L3HYPDH: variants seen among roughly 807,000 people sequenced by gnomAD.
The protein encoded by L3HYPDH is trans-L-3-hydroxyproline dehydratase.
L3HYPDH carries 32 observed loss-of-function variants against 26.5 expected under a neutral mutation model. That is an observed-to-expected ratio of 1.21 (90% CI 0.91 to 1.62). L3HYPDH has a LOEUF of 1.62. L3HYPDH is among the 40% of genes most tolerant of loss of function. The pLI, the probability that L3HYPDH is intolerant of heterozygous loss-of-function variation, is 0.00. For missense variants in L3HYPDH, 554 were observed against 476.4 expected (o/e 1.16, Z -1.52); for synonymous variants, 215 against 196.6 (o/e 1.09, Z -0.78).
At chr14:59,502,125 G>A in the L3HYPDH span, among the ~76,000 whole-genome samples, 3 of 151,982 alleles carry the variant, frequency 2.0e-5, no homozygotes, top group Admixed American at 6.6e-5. Context: ...TACATTATTT[G>A]TTCATATGCA....
intron 4 of L3HYPDH, among the ~76,000 whole-genome samples, chr14:59,473,852 C>T (rs771903092): frequency 1.8e-4 from 27 of 151,984 alleles, no homozygotes; most frequent in Middle Eastern, 3.4e-3. Flanking sequence ...AATGGAAGGA[C>T]AGGGAAAGGA....
At chr14:59,486,762 A>T, upstream of L3HYPDH, 1 of 1,595,730 alleles carries the variant, frequency 6.3e-7, no homozygotes, top group Non-Finnish European at 8.5e-7. Context: ...GGAAGACCCT[A>T]TTATTTAAAA....
At chr14:59,485,486 A>C (rs980498589), upstream of L3HYPDH, 3 of 179,886 alleles carry the variant, frequency 1.7e-5, no homozygotes, top group Non-Finnish European at 3.5e-5. Flanking sequence ...GGAAGTAAAA[A>C]GTCTGCTTGA....
At chr14:59,477,548 T>C (rs1056388577) in intron 2 of L3HYPDH, among the ~76,000 whole-genome samples, 1 of 152,230 alleles carries the variant, frequency 6.6e-6, no homozygotes, top group African/African-American at 2.4e-5. Flanking sequence ...TATTAAGATA[T>C]CCATGACTTT....
chr14:59,493,682 G>T, the L3HYPDH span, among the ~76,000 whole-genome samples: 1 of 152,112 alleles, frequency 6.6e-6, no homozygotes, highest in Admixed American at 6.5e-5. Context: ...CTGTGACATA[G>T]CTCAGACCAT....
upstream of L3HYPDH, chr14:59,486,600 C>T: frequency 1.4e-6 from 1 of 709,810 alleles, no homozygotes; most frequent in Admixed American, 2.7e-5. Context: ...TTGTCTAATA[C>T]ATATTATTCA....
chr14:59,490,447 G>A, the L3HYPDH span, among the ~76,000 whole-genome samples: 1 of 152,186 alleles, frequency 6.6e-6, no homozygotes, highest in Non-Finnish European at 1.5e-5. Flanking sequence ...ATTGGTGAAG[G>A]TCTGGTGTAT....
chr14:59,501,324 A>G, the L3HYPDH span: 4 of 1,067,458 alleles, frequency 3.7e-6, no homozygotes, highest in South Asian at 5.3e-5. Context: ...ACAATTCAAT[A>G]TCAGAATAGT....
At chr14:59,501,066 G>T in the L3HYPDH span, 1 of 625,522 alleles carries the variant, frequency 1.6e-6, no homozygotes, top group Non-Finnish European at 2.7e-6. Flanking sequence ...ACCTTAGGTT[G>T]TAAGTCTCAC....
In L3HYPDH at chr14:59,475,935, T is replaced by C; in HGVS notation, c.873A>G (p.Glu291=). Residue 291 remains glutamate, a synonymous_variant, in exon 4 of 5, where the codon GAA becomes GAG. Coordinates refer to ENST00000247194, the MANE Select transcript of L3HYPDH (RefSeq NM_144581.2). ...IALQYHKGLL[E]LNQMRAFKSS... The stretch of plus-strand genomic sequence containing the variant: ...TTTTGAAGGCTCTCATCTGGTTCAG[T>C]TCCAGAAGCCCTTTGTGATACTGTA... 3.1e-6 allele frequency: 5 copies of C among 1,613,946 alleles called. No individual in the cohort carries two copies. The highest frequency in any genetic ancestry group is 4.2e-6 in the Non-Finnish European group (5 of 1,179,902).
At chr14:59,477,083 G>A (rs1349849884) in intron 2 of L3HYPDH, among the ~76,000 whole-genome samples, 2 of 152,194 alleles carry the variant, frequency 1.3e-5, no homozygotes, top group African/African-American at 4.8e-5. Flanking sequence ...CCAAGTTAAA[G>A]CGGCCTGCAG....
At chr14:59,483,419 A>AT (rs1384946116) in intron 1 of L3HYPDH, 1 of 790,004 alleles carries the variant, frequency 1.3e-6, no homozygotes, top group African/African-American at 1.9e-5. Context: ...GTGTCTACCA[A>AT]GCATATTCTC....
chr14:59,502,761 T>TG, the L3HYPDH span, among the ~76,000 whole-genome samples: 1 of 45,282 alleles, frequency 2.2e-5, no homozygotes, highest in African/African-American at 1.3e-4. Flanking sequence ...TTTTTTTTTT[T>TG]TTTTTTTTTT....
chr14:59,484,082 C>T lies in L3HYPDH; in HGVS notation c.235G>A (p.Val79Ile), dbSNP rs1169275367. The change falls in exon 1 of 5, where the codon GTC becomes ATC. Residue 79 changes from valine (V) to isoleucine (I), a missense_variant. Physicochemically the swap from Val to Ile is conservative, Grantham distance 29. Coordinates refer to ENST00000247194, the MANE Select transcript of L3HYPDH (RefSeq NM_144581.2). ...TCCGGCAGCTCGCTCGGGACTAGGA[C>T]CGCCCCGTACATGTCCCGGTGCCCT... ...PRGHRDMYGA[V>I]LVPSELPDAH... The T allele has an allele frequency of 6.2e-7, 1 of 1,606,884 alleles. No individual in the cohort carries two copies. Among genetic ancestry groups the T allele is most frequent in the Non-Finnish European group, 8.5e-7 (1 of 1,179,534 alleles).
chr14:59,490,476 T>C, the L3HYPDH span, among the ~76,000 whole-genome samples: 1 of 152,206 alleles, frequency 6.6e-6, no homozygotes, highest in Non-Finnish European at 1.5e-5. Flanking sequence ...CATCATTTGA[T>C]GTATATTTTA....
chr14:59,468,764 T>C (rs573362005), downstream of L3HYPDH, among the ~76,000 whole-genome samples: 5 of 152,302 alleles, frequency 3.3e-5, no homozygotes, highest in Non-Finnish European at 7.3e-5. Flanking sequence ...AAAATATTTT[T>C]TGAGTAACTG....
chr14:59,486,784 G>T, upstream of L3HYPDH: 1 of 1,578,774 alleles, frequency 6.3e-7, no homozygotes, highest in Non-Finnish European at 8.6e-7. Context: ...TGGCTCAACT[G>T]AAATATATGG....
Position 59,479,467 on chromosome 14 carries a change from T to G in L3HYPDH, c.509-116A>C, listed in dbSNP as rs1594913789. ...CAAGAGGGATGTTCTTTTCCTATCA[T>G]AAAAATAATGAAGTAAAAATCCGTT... On this transcript the variant is annotated intron_variant, in intron 1 of 4. Coordinates refer to ENST00000247194, the MANE Select transcript of L3HYPDH (RefSeq NM_144581.2). The G allele has an allele frequency of 5.1e-6, 5 of 973,222 alleles. No homozygotes were observed. In the East Asian group the frequency reaches 1.1e-4, roughly 21 times the overall value. The allele number at this position is 973,222 out of a possible 1,614,324, so 60.3% of individuals were successfully genotyped here.
intron 1 of L3HYPDH, among the ~76,000 whole-genome samples, chr14:59,480,191 A>C (rs1889915989): frequency 6.6e-6 from 1 of 152,232 alleles, no homozygotes; most frequent in East Asian, 1.9e-4. Context: ...GGGGAAAGAC[A>C]TCTGTTGGCA....
Sources: gnomAD v4.1 joint callset for allele counts (sites outside exome capture counted in the v4.1 genomes callset) on GRCh38, gnomAD v4.1.1 for gene constraint, MANE v1.5 for transcripts, NCBI Gene and HGNC (gene_info 2026-07-23, HGNC 2026-07-21) for gene names.